Variants in PTPN4 observed in about 807,000 individuals in gnomAD.
The protein encoded by PTPN4 is protein tyrosine phosphatase non-receptor type 4, also known as tyrosine-protein phosphatase non-receptor type 4.
Under a neutral mutation model 135.5 loss-of-function variants are expected in PTPN4, and 49 were observed. The observed-to-expected ratio is 0.36, with a 90% CI of 0.29 to 0.46. PTPN4 has a LOEUF of 0.46. PTPN4 is among the 20% of genes least tolerant of loss of function. The pLI is 1.00. For missense variants in PTPN4, 860 were observed against 1,101.0 expected, an observed-to-expected ratio of 0.78 and a Z score of 3.10; for synonymous variants, 333 against 369.9, an observed-to-expected ratio of 0.90 and a Z score of 1.14.
chr2:119,843,404 C>G lies in PTPN4; in HGVS notation c.139-19132C>G, dbSNP rs559403962. ...ATGTCTACTTCTTTCTACACAGACA[C>G]GGCAACCATCCGATTTCTCAATCTT... On this transcript the variant is annotated intron_variant, in intron 2 of 26. Transcript: ENST00000263708. 8.5e-5 allele frequency among the ~76,000 whole-genome samples: 12 copies of G among 141,538 alleles called. No individual in the cohort carries two copies. The South Asian group carries it at 2.2e-3, about 26-fold the overall frequency. The allele number at this position is 141,538 out of a possible 152,430, so 92.9% of individuals were successfully genotyped here.
intron 2 of PTPN4, among the ~76,000 whole-genome samples, chr2:119,853,041 A>G (rs1385470402): frequency 6.6e-6 from 1 of 152,030 alleles, no homozygotes; most frequent in South Asian, 2.1e-4. Flanking sequence ...ATGACCCAGG[A>G]TATAGCCTGT....
intron 2 of PTPN4, among the ~76,000 whole-genome samples, chr2:119,840,455 G>A (rs1046349123): frequency 3.3e-5 from 5 of 152,122 alleles, no homozygotes; most frequent in Admixed American, 6.5e-5. Context: ...TCCATGGTGC[G>A]TATGTACCAC....
At chr2:119,900,243 A>G (rs1300658901) in intron 9 of PTPN4, among the ~76,000 whole-genome samples, 1 of 152,126 alleles carries the variant, frequency 6.6e-6, no homozygotes, top group Non-Finnish European at 1.5e-5. Context: ...GTATTATATT[A>G]GTTATAGGAC....
intron 16 of PTPN4, 123 bp from the exon 17 acceptor site, chr2:119,946,218 T>G: frequency 1.3e-6 from 1 of 759,996 alleles, no homozygotes; most frequent in Non-Finnish European, 2.0e-6. Flanking sequence ...AAATTTTTAT[T>G]AGAATTATGA....
chr2:119,926,250 T>C (rs554878025), intron 12 of PTPN4, among the ~76,000 whole-genome samples: 6 of 152,310 alleles, frequency 3.9e-5, no homozygotes, highest in African/African-American at 1.4e-4. Flanking sequence ...TTTCTCTCTA[T>C]CAACAATTTC....
At chr2:119,900,849 C>T (rs773284517) in intron 10 of PTPN4, 43 bp downstream of exon 10, 3 of 1,147,432 alleles carry the variant, frequency 2.6e-6, no homozygotes, top group Non-Finnish European at 3.7e-6. Flanking sequence ...CACTGTATTA[C>T]TAAATATAAT....
chr2:119,794,997 C>A (rs1047032419), intron 1 of PTPN4, among the ~76,000 whole-genome samples: 1 of 152,170 alleles, frequency 6.6e-6, no homozygotes, highest in Non-Finnish European at 1.5e-5. Context: ...AGCTGGCTAT[C>A]CCATTGTTTC....
At chr2:119,866,032 C>G (rs1041166328) in intron 3 of PTPN4, among the ~76,000 whole-genome samples, 2 of 151,950 alleles carry the variant, frequency 1.3e-5, no homozygotes, top group African/African-American at 2.4e-5. Flanking sequence ...TAATTTAAAG[C>G]CTGTTTATCA....
intron 1 of PTPN4, among the ~76,000 whole-genome samples, chr2:119,778,019 TC>T (rs1332798039): frequency 1.3e-5 from 2 of 151,986 alleles, no homozygotes; most frequent in South Asian, 4.2e-4. Context: ...TTTTTTTTTT[TC>T]CTCTAAAAAA....
At chr2:119,831,281 G>C (rs1677216219) in intron 2 of PTPN4, among the ~76,000 whole-genome samples, 1 of 152,162 alleles carries the variant, frequency 6.6e-6, no homozygotes, top group Non-Finnish European at 1.5e-5. Flanking sequence ...CTCCTGCTTT[G>C]TGGCCTGGTT....
chr2:119,935,388 A>G (rs765699748), intron 15 of PTPN4, among the ~76,000 whole-genome samples: 1 of 152,226 alleles, frequency 6.6e-6, no homozygotes, highest in Non-Finnish European at 1.5e-5. Flanking sequence ...ATAGGTAAGA[A>G]GATTTATTTC....
In PTPN4 at chr2:119,981,656, T is replaced by A. The variant is rs1679696744; in HGVS notation, c.*4586T>A. 1 of 152,116 alleles carries A rather than the reference T, an allele frequency of 6.6e-6. No homozygotes were observed. The highest frequency in any genetic ancestry group is 1.5e-5 in the Non-Finnish European group (1 of 67,970). The allele number at this position is 152,116 out of a possible 1,614,324, so 9.4% of individuals were successfully genotyped here. ...GAACCCAGTAAATTAATCCCTAATT[T>A]GTATGTTTTTTGTTCAACTTACCGT... On this transcript the variant is annotated 3_prime_UTR_variant, in exon 27 of 27. Transcript: ENST00000263708.
intron 15 of PTPN4, among the ~76,000 whole-genome samples, chr2:119,936,895 G>A (rs1678992278): frequency 6.6e-6 from 1 of 152,044 alleles, no homozygotes; most frequent in South Asian, 2.1e-4. Flanking sequence ...CTATATTACT[G>A]CATTTGACAT....
chr2:119,904,926 A>T (rs1231459855), intron 10 of PTPN4, among the ~76,000 whole-genome samples: 1 of 152,108 alleles, frequency 6.6e-6, no homozygotes, highest in Non-Finnish European at 1.5e-5. Flanking sequence ...AAGTGAAAGG[A>T]TGCTATGAAC....
chr2:119,973,138 C>CAT (rs1246340345), intron 26 of PTPN4, among the ~76,000 whole-genome samples: 1 of 151,990 alleles, frequency 6.6e-6, no homozygotes, highest in Admixed American at 6.6e-5. Context: ...AACCAAAACT[C>CAT]TATATCCATT....
chr2:119,956,811 T>C lies in PTPN4; in HGVS notation c.1981-33T>C, dbSNP rs181789600. 14 of 1,579,476 alleles carry C rather than the reference T, an allele frequency of 8.9e-6. No homozygotes were observed. In the Admixed American group the frequency reaches 2.7e-4, roughly 31 times the overall value. ...CAAAAGAGAAATTGTTTATGGCTTT[T>C]GTTGGAATTGTACCTTTTTTTTTTT... On this transcript the variant is annotated intron_variant, in intron 20 of 26. Transcript: ENST00000263708.
intron 25 of PTPN4, among the ~76,000 whole-genome samples, chr2:119,966,187 A>C (rs1462454376): frequency 6.6e-6 from 1 of 151,980 alleles, no homozygotes; most frequent in Non-Finnish European, 1.5e-5. Flanking sequence ...GGGTGAACCC[A>C]CTCTCTGAAG....
chr2:119,879,554 T>G (rs1678039453), intron 5 of PTPN4, among the ~76,000 whole-genome samples: 2 of 152,254 alleles, frequency 1.3e-5, no homozygotes, highest in Non-Finnish European at 1.5e-5. Flanking sequence ...TAATGATGTC[T>G]TGGCCACATC....
At chr2:119,899,565 C>T (rs1202757813) in intron 9 of PTPN4, among the ~76,000 whole-genome samples, 1 of 152,016 alleles carries the variant, frequency 6.6e-6, no homozygotes. Context: ...ATTACAGATT[C>T]TTTTGCTTTA....
Sources: allele counts gnomAD v4.1 joint callset (sites outside exome capture counted in the v4.1 genomes callset), GRCh38; gene constraint gnomAD v4.1.1; transcripts MANE v1.5; gene names NCBI Gene and HGNC (gene_info 2026-07-23, HGNC 2026-07-21).